The following PDIA3 variants were observed in gnomAD, a reference collection of about 807,000 sequenced individuals.
The protein encoded by PDIA3 is protein disulfide isomerase family A member 3.
Under a neutral mutation model 56.9 loss-of-function variants are expected in PDIA3, and 16 were observed. That is an observed-to-expected ratio of 0.28 (90% CI 0.19 to 0.43). The LOEUF (loss-of-function observed/expected upper bound fraction) is 0.43. Among genes scored for constraint, PDIA3 ranks in the 20% least tolerant of loss-of-function variants. The pLI is 1.00. For synonymous variants in PDIA3, 192 were observed against 216.5 expected (o/e 0.89, Z 0.99); for missense variants, 485 against 621.3 (o/e 0.78, Z 2.33).
intron 10 of PDIA3, 64 bp downstream of exon 10, chr15:43,769,710 CA>C: frequency 6.5e-7 from 1 of 1,545,774 alleles, no homozygotes; most frequent in South Asian, 1.2e-5. Flanking sequence ...TGTATGTATT[CA>C]GCATTGGCTA....
chr15:43,753,939 G>T, intron 2 of PDIA3, 37 bp downstream of exon 2: 16 of 1,427,888 alleles, frequency 1.1e-5, no homozygotes, highest in Non-Finnish European at 1.2e-5. Flanking sequence ...AGGACGTGAA[G>T]TATTTTAAAA....
At chr15:43,766,297 C>T (rs1238112492) in intron 7 of PDIA3, among the ~76,000 whole-genome samples, 1 of 152,076 alleles carries the variant, frequency 6.6e-6, no homozygotes, top group Non-Finnish European at 1.5e-5. Context: ...ATCTGTTGGG[C>T]ATGTATTTCG....
intron 3 of PDIA3, among the ~76,000 whole-genome samples, chr15:43,758,684 A>G (rs991199510): frequency 2.0e-4 from 30 of 149,584 alleles, no homozygotes; most frequent in Admixed American, 5.3e-4. Flanking sequence ...TGAAAAAATT[A>G]AAAATAGAAG....
intron 5 of PDIA3, among the ~76,000 whole-genome samples, chr15:43,764,049 T>C (rs1393273835): frequency 6.6e-6 from 1 of 152,244 alleles, no homozygotes; most frequent in Admixed American, 6.5e-5. Flanking sequence ...GCTTTGATTT[T>C]ATCTTTTAGA....
Position 43,769,664 on chromosome 15 carries a change from T to A in PDIA3, c.1266+18T>A. The A allele has an allele frequency of 1.2e-6, 2 of 1,611,732 alleles. No individual in the cohort carries two copies. Among genetic ancestry groups the A allele is most frequent in the Non-Finnish European group, 1.7e-6 (2 of 1,179,198 alleles). ...GCGAGAAGGTAAGTGTGAACCCTATTCTGAGGATAACATTTGAGCGGGAGC... is the reference window on the plus strand; with the variant it reads ...GCGAGAAGGTAAGTGTGAACCCTATACTGAGGATAACATTTGAGCGGGAGC... On this transcript the variant is annotated intron_variant, in intron 10 of 12. Transcript: ENST00000300289.
Position 43,770,599 on chromosome 15 carries a change from A to G in PDIA3, c.1404+19A>G, listed in dbSNP as rs2086875124. ...ATATGAAGTAAGTGAATTGTCCCAT[A>G]TCCCCACAAATATATACACAGACGT... On this transcript the variant is annotated intron_variant, in intron 12 of 12. Transcript: ENST00000300289. 1.3e-6 allele frequency: 2 copies of G among 1,517,128 alleles called. No individual in the cohort carries two copies. The highest frequency in any genetic ancestry group is 1.4e-5 in the African/African-American group (1 of 72,968). The allele number at this position is 1,517,128 out of a possible 1,614,324, so 94.0% of individuals were successfully genotyped here.
intron 3 of PDIA3, among the ~76,000 whole-genome samples, chr15:43,757,159 G>T (rs2086783332): frequency 6.6e-6 from 1 of 152,176 alleles, no homozygotes; most frequent in African/African-American, 2.4e-5. Context: ...AGATGAGCTG[G>T]GTGCAGTGGC....
At chr15:43,753,066 G>T (rs568535499) in intron 1 of PDIA3, 1 of 341,048 alleles carries the variant, frequency 2.9e-6, no homozygotes, top group East Asian at 7.5e-5. Flanking sequence ...CAGGGTTTCA[G>T]TCACAATTTT....
At chr15:43,749,004 C>A (rs1167494596) in intron 1 of PDIA3, among the ~76,000 whole-genome samples, 1 of 152,134 alleles carries the variant, frequency 6.6e-6, no homozygotes, top group African/African-American at 2.4e-5. Flanking sequence ...CTCCTGACTT[C>A]AGGTGATCTG....
rs755314954 is a variant in PDIA3 at position 43,773,209 on chromosome 15, T to C, written c.*1991T>C. On this transcript the variant is annotated 3_prime_UTR_variant, in exon 13 of 13. Transcript: ENST00000300289. ...GGTACTCACAGCGACGCTTTTCTTC[T>C]CTGTAACTTGGGTACTGCTGCAGAG... The C allele has an allele frequency of 6.2e-7, 1 of 1,613,870 alleles. No homozygotes were observed. Among genetic ancestry groups the C allele is most frequent in the Admixed American group, 1.7e-5 (1 of 59,916 alleles).
rs755237165 is a variant in PDIA3, at chr15:43,770,679, A to T, written c.1404+99A>T. ...ATTGGGTTTATTTATTTATTTAATT[A>T]TTTTTTGAGACGGAGTTTCGCTCTT... On this transcript the variant is annotated intron_variant, in intron 12 of 12. Transcript: ENST00000300289. The T allele has an allele frequency of 3.4e-4, 281 of 834,330 alleles. 2 individuals are homozygous for T. The highest frequency in any genetic ancestry group is 2.0e-3 in the Admixed American group (86 of 43,858). The allele number at this position is 834,330 out of a possible 1,614,324, so 51.7% of individuals were successfully genotyped here. A position where few individuals can be genotyped will look rare whatever the true frequency, so the allele number is the denominator to read the frequency against.
chr15:43,770,599 AT>A lies in PDIA3; in HGVS notation c.1404+20del, dbSNP rs752177118. 4.6e-6 allele frequency: 7 copies of A among 1,517,246 alleles called. No homozygotes were observed. The South Asian group carries it at 7.8e-5, about 17-fold the overall frequency. 94.0% of individuals were successfully genotyped at this position (1,517,246 alleles called of 1,614,324 possible). On this transcript the variant is annotated intron_variant, in intron 12 of 12. Coordinates refer to ENST00000300289, the MANE Select transcript of PDIA3 (RefSeq NM_005313.5). ...ATATGAAGTAAGTGAATTGTCCCATATCCCCACAAATATATACACAGACGTA... is the reference window on the plus strand; with the variant it reads ...ATATGAAGTAAGTGAATTGTCCCATACCCCACAAATATATACACAGACGTA...
At chr15:43,752,399 C>A (rs1287234389) in intron 1 of PDIA3, among the ~76,000 whole-genome samples, 2 of 152,290 alleles carry the variant, frequency 1.3e-5, no homozygotes, top group East Asian at 1.9e-4. Flanking sequence ...TTGTGTCTCA[C>A]TGAGAAAGAA....
chr15:43,758,573 A>T (rs1230677499), intron 3 of PDIA3, among the ~76,000 whole-genome samples: 1 of 151,014 alleles, frequency 6.6e-6, no homozygotes, highest in Non-Finnish European at 1.5e-5. Context: ...CAGGAGGATC[A>T]CTTGAGCCCG....
chr15:43,746,446 G>C lies in PDIA3; in HGVS notation c.-94G>C, dbSNP rs2086704974. ...GCAGGTCCGCCTGGGCCAGACGCGC[G>C]AGCGCAAGCAGCGGGTTAGTGGTCG... On this transcript the variant is annotated 5_prime_UTR_variant, in exon 1 of 13. Transcript: ENST00000300289. 2.4e-6 allele frequency: 3 copies of C among 1,258,612 alleles called. No individual in the cohort carries two copies. Among genetic ancestry groups the C allele is most frequent in the East Asian group, 3.0e-5 (1 of 33,782 alleles). 78.0% of individuals were successfully genotyped at this position (1,258,612 alleles called of 1,614,324 possible).
chr15:43,751,870 C>T (rs2141644475), intron 1 of PDIA3: 1 of 728,204 alleles, frequency 1.4e-6, no homozygotes, highest in Non-Finnish European at 2.0e-6. Flanking sequence ...ATTTTTTTCT[C>T]TTAAAATGTT....
chr15:43,766,374 C>G (rs938933353), intron 7 of PDIA3, among the ~76,000 whole-genome samples: 4 of 152,184 alleles, frequency 2.6e-5, no homozygotes, highest in African/African-American at 9.6e-5. Context: ...ATAAAATGCA[C>G]TTAAAACATT....
chr15:43,751,682 G>A (rs1378364047), intron 1 of PDIA3: 1 of 1,303,860 alleles, frequency 7.7e-7, no homozygotes, highest in Admixed American at 2.3e-5. Context: ...AAAGTTTAAG[G>A]CAGTGGATTT....
intron 1 of PDIA3, chr15:43,751,637 C>A: frequency 7.7e-7 from 1 of 1,304,190 alleles, no homozygotes; most frequent in South Asian, 1.2e-5. Context: ...CATTGAAACT[C>A]TTTTTGTGGA....
Sources: gnomAD v4.1 joint callset for allele counts (sites outside exome capture counted in the v4.1 genomes callset) on GRCh38, gnomAD v4.1.1 for gene constraint, MANE v1.5 for transcripts, NCBI Gene and HGNC (gene_info 2026-07-23, HGNC 2026-07-21) for gene names.